The following IQSEC1 variants were observed in gnomAD, a reference collection of about 807,000 sequenced individuals.
IQSEC1 encodes the protein IQ motif and Sec7 domain ArfGEF 1.
IQSEC1 carries 31 observed loss-of-function variants against 91.0 expected under a neutral mutation model. The ratio of observed to expected loss-of-function variants is 0.34; its 90% CI spans 0.26 to 0.46. The LOEUF is 0.46. IQSEC1 is among the 20% of genes least tolerant of loss of function. The probability of loss-of-function intolerance (pLI) is 1.00; values close to 1 mark genes in which losing one functional copy is unlikely to be tolerated. For synonymous variants in IQSEC1, 699 were observed against 662.6 expected (o/e 1.05, Z -0.84); for missense variants, 1,388 against 1,575.6 (o/e 0.88, Z 2.02).
At chr3:13,021,154 G>A (rs1703377867) in intron 1 of IQSEC1, among the ~76,000 whole-genome samples, 1 of 152,112 alleles carries the variant, frequency 6.6e-6, no homozygotes, top group Non-Finnish European at 1.5e-5. Context: ...ACAAATTCGG[G>A]CCCCGTGTAG....
At chr3:12,996,660 G>A (rs770836804) in intron 1 of IQSEC1, among the ~76,000 whole-genome samples, 1 of 152,180 alleles carries the variant, frequency 6.6e-6, no homozygotes, top group Non-Finnish European at 1.5e-5. Flanking sequence ...GAATTTAATT[G>A]AGGAAAATGC....
At chr3:13,037,754 A>C (rs944907420) in intron 1 of IQSEC1, among the ~76,000 whole-genome samples, 2 of 152,222 alleles carry the variant, frequency 1.3e-5, no homozygotes, top group Admixed American at 1.3e-4. Flanking sequence ...GTGAAATAAT[A>C]AAATAACAAA....
rs1182132740 is a variant in IQSEC1 at position 12,901,138 on chromosome 3, C to G, written c.3190G>C (p.Gly1064Arg). ...TGGGCCCCGTAGGCTGGGTGGCCCC[C>G]ATGGGGGCCGTGGTGGTACTGGTGT... ...HAHQYHHGPH[G>R]GHPAYGAHAH... Residue 1064 changes from glycine (G) to arginine (R), a missense_variant, in exon 14 of 14, where the codon GGG (glycine) becomes CGG (arginine). This residue lies in a region of IQSEC1 where 329 missense variants were observed against 257.8 expected (regional missense o/e 1.28). Transcript: ENST00000613206. 1.3e-6 allele frequency: 2 copies of G among 1,543,006 alleles called. No homozygotes were observed. The highest frequency in any genetic ancestry group is 1.4e-5 in the African/African-American group (1 of 72,842).
chr3:13,050,123 C>T (rs1704642050), intron 1 of IQSEC1, among the ~76,000 whole-genome samples: 1 of 149,930 alleles, frequency 6.7e-6, no homozygotes, highest in Non-Finnish European at 1.5e-5. Context: ...CCAGCTGCCT[C>T]GGTGCCCCAC....
intron 1 of IQSEC1, among the ~76,000 whole-genome samples, chr3:13,018,736 CAG>C (rs932354908): frequency 2.0e-5 from 3 of 152,194 alleles, no homozygotes; most frequent in African/African-American, 4.8e-5. Flanking sequence ...GGCGGGGAAA[CAG>C]GGGCTCAGGG....
At chr3:12,933,873 T>A (rs754452962) in intron 3 of IQSEC1, among the ~76,000 whole-genome samples, 1 of 151,866 alleles carries the variant, frequency 6.6e-6, no homozygotes, top group East Asian at 1.9e-4. Flanking sequence ...TAATTAAAAG[T>A]TAACTGAATA....
At chr3:12,905,292 C>T (rs1020166171) in intron 12 of IQSEC1, among the ~76,000 whole-genome samples, 5 of 152,280 alleles carry the variant, frequency 3.3e-5, no homozygotes, top group Admixed American at 1.3e-4. Context: ...TTTTCAGCTT[C>T]CTCAGAGTCA....
At chr3:13,001,052 G>A (rs1418628803) in intron 1 of IQSEC1, among the ~76,000 whole-genome samples, 1 of 149,472 alleles carries the variant, frequency 6.7e-6, no homozygotes, top group Non-Finnish European at 1.5e-5. Context: ...CTGGGTTCAA[G>A]CAATTCTCCT....
chr3:13,241,525 A>C (rs1239405734), intron 1 of IQSEC1, among the ~76,000 whole-genome samples: 1 of 152,208 alleles, frequency 6.6e-6, no homozygotes, highest in Non-Finnish European at 1.5e-5. Context: ...TTGAAGTCAC[A>C]GCCTCTCCCT....
chr3:12,978,497 G>C (rs1288684126), intron 1 of IQSEC1, among the ~76,000 whole-genome samples: 1 of 152,056 alleles, frequency 6.6e-6, no homozygotes, highest in African/African-American at 2.4e-5. Flanking sequence ...AGGAGTTCGA[G>C]ACCAGCCTGG....
chr3:12,984,270 A>G (rs1217626217), intron 1 of IQSEC1, among the ~76,000 whole-genome samples: 3 of 152,164 alleles, frequency 2.0e-5, no homozygotes, highest in Non-Finnish European at 4.4e-5. Flanking sequence ...CCACGGGGAG[A>G]TAGGGAGGAG....
intron 1 of IQSEC1, among the ~76,000 whole-genome samples, chr3:13,230,042 A>G (rs1694817425): frequency 6.6e-6 from 1 of 152,248 alleles, no homozygotes; most frequent in Non-Finnish European, 1.5e-5. Flanking sequence ...ATTAAAAGAT[A>G]AAAATAGAAA....
chr3:13,205,290 A>C (rs1489592056), intron 1 of IQSEC1, among the ~76,000 whole-genome samples: 1 of 151,782 alleles, frequency 6.6e-6, no homozygotes, highest in African/African-American at 2.4e-5. Context: ...CCATAAGCTC[A>C]CCTCCACCTG....
intron 2 of IQSEC1, among the ~76,000 whole-genome samples, chr3:13,158,107 T>G (rs1707112415): frequency 6.6e-6 from 1 of 152,236 alleles, no homozygotes; most frequent in Non-Finnish European, 1.5e-5. Context: ...GTCTGTACTC[T>G]TTTGATTCCA....
chr3:13,209,383 T>C (rs1186320204), intron 1 of IQSEC1, among the ~76,000 whole-genome samples: 4 of 152,222 alleles, frequency 2.6e-5, no homozygotes, highest in African/African-American at 2.4e-5. Flanking sequence ...CTGTAATGTA[T>C]TCCTTTCCCA....
chr3:12,977,050 C>T (rs75509688), intron 1 of IQSEC1, among the ~76,000 whole-genome samples: 1 of 152,132 alleles, frequency 6.6e-6, no homozygotes, highest in Non-Finnish European at 1.5e-5. Flanking sequence ...AAAAAGGAGG[C>T]GTCAGGCTGG....
At chr3:12,930,847 A>G (rs150146479) in intron 3 of IQSEC1, among the ~76,000 whole-genome samples, 75 of 152,224 alleles carry the variant, frequency 4.9e-4, no homozygotes, top group African/African-American at 1.7e-3. Context: ...GTAACTGTTA[A>G]CTGCTTGTGG....
chr3:13,129,410 C>T (rs905621224), intron 2 of IQSEC1, among the ~76,000 whole-genome samples: 2 of 152,166 alleles, frequency 1.3e-5, no homozygotes, highest in African/African-American at 4.8e-5. Context: ...ATTACTTTCA[C>T]TGGTCTTCTC....
At chr3:13,170,324 C>T (rs375815768) in intron 1 of IQSEC1, among the ~76,000 whole-genome samples, 8 of 152,244 alleles carry the variant, frequency 5.3e-5, no homozygotes, top group African/African-American at 9.6e-5. Context: ...TGTATGGAAA[C>T]GCATGGATGC....
Sources: allele counts gnomAD v4.1 joint callset (sites outside exome capture counted in the v4.1 genomes callset), GRCh38; gene constraint gnomAD v4.1.1; regional missense constraint gnomAD v4.1.1; transcripts MANE v1.5; gene names NCBI Gene and HGNC (gene_info 2026-07-23, HGNC 2026-07-21).